Variants in CLINT1 observed in about 807,000 individuals in gnomAD.
CLINT1 encodes the protein clathrin interactor 1, also known as clathrin interacting protein localized in the trans-Golgi region.
CLINT1 carries 15 observed loss-of-function variants against 70.4 expected under a neutral mutation model. That is an observed-to-expected ratio of 0.21 (90% CI 0.14 to 0.33). CLINT1 has a LOEUF of 0.33. Among genes scored for constraint, CLINT1 ranks in the 10% least tolerant of loss-of-function variants. CLINT1 has a pLI of 1.00. For synonymous variants in CLINT1, 227 were observed against 254.7 expected, an observed-to-expected ratio of 0.89 and a Z score of 1.04; for missense variants, 615 against 778.1, an observed-to-expected ratio of 0.79 and a Z score of 2.49.
At chr5:157,795,808 CGCTTGAG>C (rs1316980361) in intron 8 of CLINT1, 2 of 152,234 alleles carry the variant, frequency 1.3e-5, no homozygotes, top group Non-Finnish European at 2.9e-5. Context: ...GTAGCAGGAT[CGCTTGAG>C]CCCAGGAGTT....
chr5:157,802,272 T>G (rs1003934292), intron 8 of CLINT1, among the ~76,000 whole-genome samples: 1 of 152,192 alleles, frequency 6.6e-6, no homozygotes, highest in African/African-American at 2.4e-5. Context: ...ACCCCCATCT[T>G]ACTGTCTACA....
chr5:157,802,846 G>A (rs375618085), intron 8 of CLINT1, among the ~76,000 whole-genome samples: 45 of 152,046 alleles, frequency 3.0e-4, no homozygotes, highest in Non-Finnish European at 5.6e-4. Flanking sequence ...ACGCCCAGCC[G>A]CCCTCTTTAA....
At chr5:157,797,742 G>C (rs1303544470) in intron 8 of CLINT1, among the ~76,000 whole-genome samples, 1 of 152,092 alleles carries the variant, frequency 6.6e-6, no homozygotes, top group Non-Finnish European at 1.5e-5. Context: ...TACATGTTGA[G>C]GATAAAAGCT....
chr5:157,802,967 C>T (rs965274294), intron 8 of CLINT1, among the ~76,000 whole-genome samples: 1 of 152,238 alleles, frequency 6.6e-6, no homozygotes, highest in Non-Finnish European at 1.5e-5. Context: ...ATTATTTTCT[C>T]CACTTGACCT....
At chr5:157,835,989 A>T (rs1198568098) in intron 1 of CLINT1, among the ~76,000 whole-genome samples, 1 of 152,162 alleles carries the variant, frequency 6.6e-6, no homozygotes, top group Non-Finnish European at 1.5e-5. Flanking sequence ...ATTTCTATAG[A>T]TGTACCAATT....
At chr5:157,824,212 T>C (rs1762961710) in intron 1 of CLINT1, among the ~76,000 whole-genome samples, 1 of 152,232 alleles carries the variant, frequency 6.6e-6, no homozygotes, top group Non-Finnish European at 1.5e-5. Context: ...ATGAACCTTG[T>C]GATATTCATT....
At position 157,787,641 on chromosome 5, in the gene CLINT1, A is replaced by G. The variant is rs1287310408; in HGVS notation, c.*5T>C. On this transcript the variant is annotated 3_prime_UTR_variant, in exon 12 of 12. Coordinates refer to ENST00000411809, the MANE Select transcript of CLINT1 (RefSeq NM_014666.4). The stretch of plus-strand genomic sequence containing the variant: ...CTTCATTCAATCTGCTTCTTTTACA[A>G]TCTCTTATTTGCTAAAATTGGCGAA... The G allele has an allele frequency of 6.2e-7, 1 of 1,610,880 alleles. No homozygotes were observed. The highest frequency in any genetic ancestry group is 1.7e-5 in the Admixed American group (1 of 59,870).
At chr5:157,818,458 C>G (rs1235174458) in intron 1 of CLINT1, among the ~76,000 whole-genome samples, 1 of 139,130 alleles carries the variant, frequency 7.2e-6, no homozygotes, top group African/African-American at 2.8e-5. Context: ...CACAGTGAGA[C>G]CTGGTCTCTA....
intron 1 of CLINT1, among the ~76,000 whole-genome samples, chr5:157,850,950 A>G (rs1011050900): frequency 2.6e-5 from 4 of 152,012 alleles, no homozygotes; most frequent in Non-Finnish European, 4.4e-5. Flanking sequence ...ATGCATCACC[A>G]TGTCCGGCTA....
At chr5:157,812,786 A>T (rs201315980) in intron 5 of CLINT1, among the ~76,000 whole-genome samples, 1 of 152,214 alleles carries the variant, frequency 6.6e-6, no homozygotes, top group East Asian at 1.9e-4. Flanking sequence ...CTAAGAGGGA[A>T]GGGCATATAT....
chr5:157,858,654 G>T (rs935577098), intron 1 of CLINT1, among the ~76,000 whole-genome samples: 3 of 152,182 alleles, frequency 2.0e-5, no homozygotes, highest in African/African-American at 7.2e-5. Context: ...CCAAAGCGTC[G>T]GCACCCAGGG....
intron 1 of CLINT1, among the ~76,000 whole-genome samples, chr5:157,834,037 C>T (rs1763334461): frequency 6.6e-6 from 1 of 152,198 alleles, no homozygotes; most frequent in South Asian, 2.1e-4. Context: ...AATAATCTTG[C>T]TCTCTTAAAG....
At chr5:157,847,883 G>A (rs1339551419) in intron 1 of CLINT1, among the ~76,000 whole-genome samples, 1 of 152,130 alleles carries the variant, frequency 6.6e-6, no homozygotes, top group African/African-American at 2.4e-5. Flanking sequence ...CACCATCACT[G>A]TTCACTGCAG....
intron 3 of CLINT1, among the ~76,000 whole-genome samples, chr5:157,815,725 G>A (rs934704189): frequency 1.3e-5 from 2 of 152,202 alleles, no homozygotes; most frequent in Admixed American, 6.5e-5. Flanking sequence ...CACAAACCTA[G>A]ATGGTATGGC....
chr5:157,801,947 T>C (rs1029555555), intron 8 of CLINT1, among the ~76,000 whole-genome samples: 1 of 151,118 alleles, frequency 6.6e-6, no homozygotes, highest in African/African-American at 2.4e-5. Flanking sequence ...CCAGCTGGAG[T>C]GTAGTGGCAT....
At chr5:157,809,861 T>C in intron 5 of CLINT1, 56 bp from the exon 6 acceptor site, 7 of 1,491,458 alleles carry the variant, frequency 4.7e-6, no homozygotes, top group Non-Finnish European at 6.4e-6. Flanking sequence ...TCAAAAGGTA[T>C]CTACAAGTCC....
intron 1 of CLINT1, among the ~76,000 whole-genome samples, chr5:157,857,173 G>A (rs1753786364): frequency 6.7e-6 from 1 of 149,712 alleles, no homozygotes; most frequent in African/African-American, 2.5e-5. Context: ...CTTGAGCCCA[G>A]GAGTTGGAGG....
intron 1 of CLINT1, among the ~76,000 whole-genome samples, chr5:157,837,206 A>C (rs2113286074): frequency 6.6e-6 from 1 of 152,306 alleles, no homozygotes; most frequent in East Asian, 1.9e-4. Context: ...GTTTAAGACC[A>C]TGCTGGGCAA....
intron 1 of CLINT1, among the ~76,000 whole-genome samples, chr5:157,821,520 T>C (rs1581510503): frequency 6.6e-6 from 1 of 152,218 alleles, no homozygotes; most frequent in African/African-American, 2.4e-5. Context: ...ATAGTATCTG[T>C]AATTTTCAGA....
Sources: gnomAD v4.1 joint callset for allele counts (sites outside exome capture counted in the v4.1 genomes callset) on GRCh38, gnomAD v4.1.1 for gene constraint, MANE v1.5 for transcripts, NCBI Gene and HGNC (gene_info 2026-07-23, HGNC 2026-07-21) for gene names.